Variants in APC2 observed in about 807,000 individuals in gnomAD.
The protein encoded by APC2 is APC regulator of Wnt signaling pathway 2.
A neutral mutation model predicts 72.5 loss-of-function variants in APC2; 41 were observed. That is an observed-to-expected ratio of 0.57 (90% CI 0.44 to 0.73). The LOEUF is 0.73. Among genes scored for constraint, APC2 ranks in the 30% least tolerant of loss-of-function variants. APC2 has a pLI of 0.00. For missense variants in APC2, 3,729 were observed against 3,403.4 expected, an observed-to-expected ratio of 1.10 and a Z score of -2.38; for synonymous variants, 1,898 against 1,612.0, an observed-to-expected ratio of 1.18 and a Z score of -4.25.
intron 14 of APC2, among the ~76,000 whole-genome samples, chr19:1,463,464 T>C (rs2083958647): frequency 6.7e-6 from 1 of 150,148 alleles, no homozygotes; most frequent in South Asian, 2.1e-4. Context: ...ATGCCTGTAA[T>C]TCCAGCTACT....
chr19:1,456,465 C>A, intron 8 of APC2, 61 bp downstream of exon 8: 2 of 1,468,650 alleles, frequency 1.4e-6, no homozygotes, highest in Non-Finnish European at 1.8e-6. Context: ...GGGATCAGGT[C>A]TGCATCCTCG....
intron 14 of APC2, among the ~76,000 whole-genome samples, chr19:1,464,323 T>A (rs938956398): frequency 2.6e-5 from 4 of 151,424 alleles, no homozygotes; most frequent in African/African-American, 2.4e-5. Flanking sequence ...AAAAAAAAAA[T>A]TATTAAAATA....
At chr19:1,450,592 G>A (rs2083731677) in intron 1 of APC2, among the ~76,000 whole-genome samples, 1 of 152,236 alleles carries the variant, frequency 6.6e-6, no homozygotes, top group Admixed American at 6.5e-5. Flanking sequence ...GGGCAGGCCA[G>A]TGGTGTGTCT....
At chr19:1,462,282 C>G in intron 14 of APC2, 105 bp downstream of exon 14, 8 of 1,069,492 alleles carry the variant, frequency 7.5e-6, no homozygotes, top group Non-Finnish European at 7.9e-6. Context: ...CAAGGCTTCC[C>G]CAGGGGCTGC....
At chr19:1,456,554 A>G in intron 8 of APC2, 150 bp downstream of exon 8, 2 of 924,072 alleles carry the variant, frequency 2.2e-6, no homozygotes, top group Non-Finnish European at 3.2e-6. Context: ...CAGCTCATGC[A>G]GAAGCTGCGG....
At chr19:1,451,287 C>G (rs1394768349) in intron 1 of APC2, 2 of 152,696 alleles carry the variant, frequency 1.3e-5, no homozygotes, top group African/African-American at 2.4e-5. Context: ...TGGGGGAGGC[C>G]TGGGTTTGGG....
At chr19:1,457,328 C>A in intron 9 of APC2, 85 bp downstream of exon 9, 6 of 1,437,746 alleles carry the variant, frequency 4.2e-6, no homozygotes, top group Admixed American at 5.8e-5. Context: ...GGACCTCCAG[C>A]CTTTGCTGCC....
chr19:1,455,319 G>C, intron 5 of APC2, 62 bp downstream of exon 5: 1 of 1,587,166 alleles, frequency 6.3e-7, no homozygotes, highest in African/African-American at 1.3e-5. Context: ...GGGAAGCGGC[G>C]TGGGGGAGGA....
chr19:1,463,589 A>G (rs1280922878), intron 14 of APC2, among the ~76,000 whole-genome samples: 1 of 151,278 alleles, frequency 6.6e-6, no homozygotes, highest in Non-Finnish European at 1.5e-5. Flanking sequence ...CTCAAAAAAA[A>G]AAAAAAAAGA....
rs1488243248 is a variant in APC2, at chr19:1,469,713, A to C, written c.6412A>C (p.Arg2138=). The part of the protein sequence containing the change: ...SSDGEPRPLP[R]VAAPGTTWRR... ...CGACGGGGAGCCCCGGCCGCTCCCC[A>C]GGGTGGCCGCGCCGGGCACGACCTG... Residue 2138 remains arginine (R), a synonymous_variant, in exon 15 of 15, where the codon AGG becomes CGG. Coordinates refer to ENST00000590469, the MANE Select transcript of APC2 (RefSeq NM_005883.3). The C allele has an allele frequency of 6.9e-7, 1 of 1,441,120 alleles. No individual in the cohort carries two copies. The highest frequency in any genetic ancestry group is 9.1e-7 in the Non-Finnish European group (1 of 1,103,628). 89.3% of individuals were successfully genotyped at this position (1,441,120 alleles called of 1,614,324 possible).
upstream of APC2, among the ~76,000 whole-genome samples, chr19:1,448,356 G>A (rs921617242): frequency 2.6e-5 from 4 of 152,088 alleles, no homozygotes; most frequent in African/African-American, 9.7e-5. Context: ...AGACCAGCCC[G>A]ACCAACACGG....
Position 1,455,321 on chromosome 19 carries a change from G to T in APC2, c.523-63G>T, listed in dbSNP as rs372277299. On this transcript the variant is annotated intron_variant, in intron 5 of 14. Coordinates refer to ENST00000590469, the MANE Select transcript of APC2 (RefSeq NM_005883.3). ...CCACTCAGGGTGCGGGAAGCGGCGT[G>T]GGGGAGGAACGGGGCCTGGCCCGGG... The T allele has an allele frequency of 2.7e-4, 433 of 1,587,272 alleles. 1 individual carries two copies. The African/African-American group carries it at 5.1e-3, about 19-fold the overall frequency.
chr19:1,466,706 G>C lies in APC2; in HGVS notation c.3405G>C (p.Arg1135=), dbSNP rs958851130. Residue 1135 remains arginine, a synonymous_variant, in exon 15 of 15, where the codon CGG becomes CGC. Transcript: ENST00000590469. The part of the protein sequence containing the change: ...AIPAPRRNRG[R]GLGVEDATPS... Reference sequence around the variant, plus strand: ...CGGCTCCCCGGCGTAACCGAGGCCGGGGCCTGGGGGTGGAAGACGCCACGC... The same window carrying C: ...CGGCTCCCCGGCGTAACCGAGGCCGCGGCCTGGGGGTGGAAGACGCCACGC... 7 of 1,527,814 alleles carry C rather than the reference G, an allele frequency of 4.6e-6. No homozygotes were observed. In the African/African-American group the frequency reaches 6.9e-5, roughly 15 times the overall value. 94.6% of individuals were successfully genotyped at this position (1,527,814 alleles called of 1,614,324 possible). A position where few individuals can be genotyped will look rare whatever the true frequency, so the allele number is the denominator to read the frequency against.
chr19:1,455,482 G>C lies in APC2; in HGVS notation c.621G>C (p.Glu207Asp). ...AGGAGCGCTTCGGCACCTCGGACGA[G>C]ATGGTGCAGCGGGCACAGGTGCGGC... The part of the protein sequence containing the change: ...LMEERFGTSD[E>D]MVQRAQIRAS... Residue 207 changes from glutamate (E) to aspartate (D), a missense_variant, in exon 6 of 15, where the codon GAG (glutamate) becomes GAC (aspartate). Transcript: ENST00000590469. 2 of 1,602,944 alleles carry C rather than the reference G, an allele frequency of 1.2e-6. No individual in the cohort carries two copies. Among genetic ancestry groups the C allele is most frequent in the Non-Finnish European group, 1.7e-6 (2 of 1,175,254 alleles).
Position 1,457,026 on chromosome 19 carries a change from T to A in APC2, c.990T>A (p.Gly330=). The A allele has an allele frequency of 6.5e-7, 1 of 1,527,228 alleles. No individual in the cohort carries two copies. The allele number at this position is 1,527,228 out of a possible 1,614,324, so 94.6% of individuals were successfully genotyped here. A position where few individuals can be genotyped will look rare whatever the true frequency, so the allele number is the denominator to read the frequency against. The change falls in exon 9 of 15, where the codon GGT becomes GGA. Residue 330 remains glycine (G), a synonymous_variant. Transcript: ENST00000590469. Reference sequence around the variant, plus strand: ...ACGGCACCGAGGCCGCGGCCGGGGGTCGCGCCGGGGCCCCAGGGGCACCGG... The same window carrying A: ...ACGGCACCGAGGCCGCGGCCGGGGGACGCGCCGGGGCCCCAGGGGCACCGG... ...ILHGTEAAAG[G]RAGAPGAPGA...
chr19:1,458,513 A>T (rs1429786710), intron 10 of APC2: 1 of 160,410 alleles, frequency 6.2e-6, no homozygotes, highest in Non-Finnish European at 1.4e-5. Flanking sequence ...CAGGAGGATG[A>T]CTTTAGCTCA....
chr19:1,457,413 C>T lies in APC2; in HGVS notation c.1207+170C>T, dbSNP rs913638340. 3.1e-6 allele frequency: 3 copies of T among 975,362 alleles called. No homozygotes were observed. In the African/African-American group the frequency reaches 5.2e-5, roughly 17 times the overall value. 60.4% of individuals were successfully genotyped at this position (975,362 alleles called of 1,614,324 possible). ...GGGGGCATTTGACGTTGGGAAAAGA[C>T]CCGCCCATGATCGTACCTGGCGCAG... On this transcript the variant is annotated intron_variant, in intron 9 of 14. Transcript: ENST00000590469.
At chr19:1,453,872 CT>C (rs2083778617) in intron 4 of APC2, among the ~76,000 whole-genome samples, 2 of 152,196 alleles carry the variant, frequency 1.3e-5, no homozygotes, top group Admixed American at 1.3e-4. Context: ...GAGGGAAAGG[CT>C]CCTTGGAGAC....
intron 10 of APC2, among the ~76,000 whole-genome samples, chr19:1,459,516 C>T (rs1036957959): frequency 3.3e-5 from 5 of 152,192 alleles, no homozygotes; most frequent in South Asian, 2.1e-4. Context: ...CCTGGATGTA[C>T]GCGTTTCAGG....
Sources: gnomAD v4.1 joint callset for allele counts (sites outside exome capture counted in the v4.1 genomes callset) on GRCh38, gnomAD v4.1.1 for gene constraint, MANE v1.5 for transcripts, NCBI Gene and HGNC (gene_info 2026-07-23, HGNC 2026-07-21) for gene names.